The following CDH12 variants were observed in gnomAD, a reference collection of about 807,000 sequenced individuals.
The protein encoded by CDH12 is cadherin 12, also known as cadherin-12.
Under a neutral mutation model 74.1 loss-of-function variants are expected in CDH12, and 41 were observed. That is an observed-to-expected ratio of 0.55 (90% CI 0.43 to 0.72). The LOEUF (loss-of-function observed/expected upper bound fraction) is 0.72. Among genes scored for constraint, CDH12 ranks in the 30% least tolerant of loss-of-function variants. The pLI is 0.00. For missense variants in CDH12, 945 were observed against 977.2 expected, an observed-to-expected ratio of 0.97 and a Z score of 0.44; for synonymous variants, 399 against 355.0, an observed-to-expected ratio of 1.12 and a Z score of -1.39.
At chr5:22,174,577 T>G (rs1216443065) in intron 4 of CDH12, among the ~76,000 whole-genome samples, 1 of 151,890 alleles carries the variant, frequency 6.6e-6, no homozygotes, top group East Asian at 1.9e-4. Context: ...TAGCTTTAGG[T>G]AAGAAATGGA....
At chr5:22,672,093 TATA>T (rs1228902844) in intron 1 of CDH12, among the ~76,000 whole-genome samples, 2 of 109,272 alleles carry the variant, frequency 1.8e-5, no homozygotes, top group Admixed American at 1.2e-4. Flanking sequence ...AATAATTATA[TATA>T]ATATATTATT....
chr5:21,968,625 ATC>A (rs1756691730), intron 6 of CDH12, among the ~76,000 whole-genome samples: 1 of 152,208 alleles, frequency 6.6e-6, no homozygotes, highest in Admixed American at 6.6e-5. Context: ...TGGACCAATC[ATC>A]TTTTAGTCTG....
chr5:21,855,605 G>A (rs1378836614), intron 6 of CDH12, among the ~76,000 whole-genome samples: 1 of 151,138 alleles, frequency 6.6e-6, no homozygotes, highest in Non-Finnish European at 1.5e-5. Context: ...CCAAATTGTA[G>A]CAAATAAAAT....
At chr5:22,503,727 TACATAGC>T (rs1736266029) in intron 2 of CDH12, among the ~76,000 whole-genome samples, 1 of 152,116 alleles carries the variant, frequency 6.6e-6, no homozygotes, top group Non-Finnish European at 1.5e-5. Context: ...CTTATCGTTG[TACATAGC>T]ACAGAGTGAA....
intron 5 of CDH12, among the ~76,000 whole-genome samples, chr5:22,072,529 T>TG (rs1341595005): frequency 5.4e-5 from 7 of 129,552 alleles, no homozygotes; most frequent in Non-Finnish European, 4.7e-5. Flanking sequence ...TTATAGCACT[T>TG]TTGTGTGTGT....
intron 1 of CDH12, among the ~76,000 whole-genome samples, chr5:22,669,142 A>G (rs537782678): frequency 6.6e-6 from 1 of 152,238 alleles, no homozygotes. Flanking sequence ...ATTCTCAAAT[A>G]CAGCATACTA....
intron 3 of CDH12, among the ~76,000 whole-genome samples, chr5:22,300,969 A>T (rs977532455): frequency 4.0e-5 from 6 of 151,878 alleles, no homozygotes; most frequent in Admixed American, 2.0e-4. Context: ...AAAATGGATT[A>T]ATATTTTGCA....
chr5:22,847,035 T>C (rs934579345), intron 1 of CDH12, among the ~76,000 whole-genome samples: 6 of 152,190 alleles, frequency 3.9e-5, no homozygotes, highest in African/African-American at 1.4e-4. Context: ...TACAATTCAT[T>C]CCAATTCCAT....
At chr5:22,632,144 T>C (rs1366152047) in intron 1 of CDH12, among the ~76,000 whole-genome samples, 1 of 151,996 alleles carries the variant, frequency 6.6e-6, no homozygotes, top group Non-Finnish European at 1.5e-5. Context: ...AAATAATCTG[T>C]ACACCAAACC....
chr5:21,836,388 C>T (rs190647832), intron 8 of CDH12, among the ~76,000 whole-genome samples: 386 of 150,586 alleles, frequency 2.6e-3, no homozygotes, highest in Non-Finnish European at 4.0e-3. Flanking sequence ...CGATTATTGA[C>T]GTACTATTTT....
intron 8 of CDH12, among the ~76,000 whole-genome samples, chr5:21,827,610 C>T (rs1336636206): frequency 2.0e-5 from 3 of 152,056 alleles, no homozygotes; most frequent in Non-Finnish European, 4.4e-5. Context: ...TTAATAAATG[C>T]CTATCTGCAA....
chr5:22,666,131 T>C (rs1740600824), intron 1 of CDH12, among the ~76,000 whole-genome samples: 1 of 152,128 alleles, frequency 6.6e-6, no homozygotes, highest in Non-Finnish European at 1.5e-5. Context: ...TTTACCTCAG[T>C]AAATGGACCC....
chr5:22,077,583 CA>C (rs1742416849), intron 5 of CDH12, among the ~76,000 whole-genome samples: 1 of 151,804 alleles, frequency 6.6e-6, no homozygotes, highest in Non-Finnish European at 1.5e-5. Flanking sequence ...ATATCTTTTA[CA>C]AAACTTAAAA....
chr5:22,074,822 G>A (rs921988091), intron 5 of CDH12, among the ~76,000 whole-genome samples: 5 of 152,074 alleles, frequency 3.3e-5, no homozygotes, highest in African/African-American at 4.8e-5. Context: ...AGGTGCTAGA[G>A]ATGATGTGGA....
At chr5:22,813,228 T>C (rs1012171625) in intron 1 of CDH12, among the ~76,000 whole-genome samples, 1 of 152,154 alleles carries the variant, frequency 6.6e-6, no homozygotes, top group Non-Finnish European at 1.5e-5. Flanking sequence ...ATTATTAGCC[T>C]ATATTATGAA....
At chr5:22,812,008 A>C (rs1345318967) in intron 1 of CDH12, among the ~76,000 whole-genome samples, 1 of 152,194 alleles carries the variant, frequency 6.6e-6, no homozygotes, top group Non-Finnish European at 1.5e-5. Flanking sequence ...GCAAATAAAA[A>C]AACATCTATG....
chr5:22,637,350 C>T (rs1415729375), intron 1 of CDH12, among the ~76,000 whole-genome samples: 4 of 138,222 alleles, frequency 2.9e-5, no homozygotes, highest in African/African-American at 9.9e-5. Flanking sequence ...CTAACCTCAT[C>T]TCCAGGCAAT....
intron 13 of CDH12, among the ~76,000 whole-genome samples, chr5:21,756,839 T>G (rs1480066777): frequency 6.6e-6 from 1 of 152,216 alleles, no homozygotes; most frequent in African/African-American, 2.4e-5. Context: ...CAGATTCCAT[T>G]TTTCTATTGG....
intron 4 of CDH12, among the ~76,000 whole-genome samples, chr5:22,199,266 G>A (rs564400006): frequency 2.4e-4 from 36 of 152,204 alleles, no homozygotes; most frequent in Middle Eastern, 3.4e-3. Context: ...CAAAGACAAC[G>A]AAGAGACTCT....
Sources: gnomAD v4.1 joint callset for allele counts (sites outside exome capture counted in the v4.1 genomes callset) on GRCh38, gnomAD v4.1.1 for gene constraint, MANE v1.5 for transcripts, NCBI Gene and HGNC (gene_info 2026-07-23, HGNC 2026-07-21) for gene names.